SAMD5: variants seen among roughly 807,000 people sequenced by gnomAD.
SAMD5 encodes the protein sterile alpha motif domain containing 5, also known as sterile alpha motif domain-containing protein 5.
Under a neutral mutation model 11.3 loss-of-function variants are expected in SAMD5, and 13 were observed. That is an observed-to-expected ratio of 1.15 (90% CI 0.75 to 1.83). SAMD5 has a LOEUF of 1.83. SAMD5 is among the 40% of genes most tolerant of loss of function. The pLI, the probability that SAMD5 is intolerant of heterozygous loss-of-function variation, is 0.00. For synonymous variants in SAMD5, 129 were observed against 111.3 expected (o/e 1.16, Z -1.00); for missense variants, 255 against 239.1 (o/e 1.07, Z -0.44).
intron 1 of SAMD5, among the ~76,000 whole-genome samples, chr6:147,514,358 A>G (rs531285173): frequency 6.6e-6 from 1 of 151,890 alleles, no homozygotes; most frequent in African/African-American, 2.4e-5. Flanking sequence ...AGATGGAAGG[A>G]TTAGAGGTTT....
At chr6:147,708,650 G>A (rs905702578) in intron 1 of SAMD5, among the ~76,000 whole-genome samples, 1 of 152,182 alleles carries the variant, frequency 6.6e-6, no homozygotes, top group African/African-American at 2.4e-5. Flanking sequence ...GTTAGGTTTG[G>A]AAGGAAATTC....
At chr6:147,950,316 T>A in the SAMD5 span, among the ~76,000 whole-genome samples, 1 of 152,196 alleles carries the variant, frequency 6.6e-6, no homozygotes, top group African/African-American at 2.4e-5. Context: ...TCCTGTAGGT[T>A]CTGGCTGAAG....
At chr6:147,608,366 A>G (rs1789732618) in intron 1 of SAMD5, among the ~76,000 whole-genome samples, 1 of 152,234 alleles carries the variant, frequency 6.6e-6, no homozygotes, top group Non-Finnish European at 1.5e-5. Flanking sequence ...ACTTTTTACA[A>G]CAGCTAAGAC....
intron 1 of SAMD5, among the ~76,000 whole-genome samples, chr6:147,545,616 T>C (rs1788673063): frequency 6.6e-6 from 1 of 152,186 alleles, no homozygotes; most frequent in South Asian, 2.1e-4. Context: ...GACTTTAATT[T>C]GGCATTGCAG....
the SAMD5 span, among the ~76,000 whole-genome samples, chr6:147,857,313 A>G: frequency 9.3e-5 from 14 of 150,600 alleles, no homozygotes; most frequent in Admixed American, 4.0e-4. Flanking sequence ...GACCAGCCTG[A>G]GCAACAAAGT....
chr6:147,522,565 C>T (rs1455361402), intron 1 of SAMD5, among the ~76,000 whole-genome samples: 1 of 152,086 alleles, frequency 6.6e-6, no homozygotes, highest in African/African-American at 2.4e-5. Context: ...AAAAATGAAA[C>T]TATAGCTTTT....
chr6:147,523,922 A>C (rs937715481), intron 1 of SAMD5, among the ~76,000 whole-genome samples: 1 of 152,174 alleles, frequency 6.6e-6, no homozygotes, highest in Non-Finnish European at 1.5e-5. Context: ...TAGGAAAACA[A>C]AATCAGGATA....
chr6:147,563,885 A>C (rs552543254), intron 1 of SAMD5, among the ~76,000 whole-genome samples: 1 of 152,350 alleles, frequency 6.6e-6, no homozygotes, highest in East Asian at 1.9e-4. Context: ...TAATGATTAA[A>C]TATGACTGTG....
At chr6:147,725,062 A>T (rs1433529934) in intron 1 of SAMD5, among the ~76,000 whole-genome samples, 1 of 152,154 alleles carries the variant, frequency 6.6e-6, no homozygotes, top group Non-Finnish European at 1.5e-5. Flanking sequence ...CCGAGGTTTT[A>T]TTCTTCTTTG....
chr6:147,645,347 T>C (rs187641507), intron 1 of SAMD5, among the ~76,000 whole-genome samples: 219 of 152,288 alleles, frequency 1.4e-3, no homozygotes, highest in Middle Eastern at 6.8e-3. Context: ...GGAAGCTGAT[T>C]TGGAAATCAT....
At chr6:147,931,331 A>G in the SAMD5 span, among the ~76,000 whole-genome samples, 9 of 152,218 alleles carry the variant, frequency 5.9e-5, no homozygotes, top group Non-Finnish European at 1.0e-4. Context: ...AAATAAAATA[A>G]TATCCCATCC....
the SAMD5 span, among the ~76,000 whole-genome samples, chr6:147,896,983 A>G: frequency 1.3e-5 from 2 of 152,198 alleles, no homozygotes; most frequent in Admixed American, 6.5e-5. Flanking sequence ...TGTAGAGGCA[A>G]AAAGTACATC....
downstream of SAMD5, among the ~76,000 whole-genome samples, chr6:147,570,434 A>G (rs1174350455): frequency 2.0e-5 from 3 of 152,158 alleles, no homozygotes; most frequent in Non-Finnish European, 4.4e-5. Context: ...TTGTGATTCA[A>G]CTACAGATAA....
At chr6:147,622,905 T>G (rs544764641) in intron 1 of SAMD5, among the ~76,000 whole-genome samples, 3 of 152,096 alleles carry the variant, frequency 2.0e-5, no homozygotes, top group South Asian at 2.1e-4. Context: ...GAGAATGAGA[T>G]CTAAGCAAAA....
In SAMD5 at chr6:147,617,504, G is replaced by A. The variant is rs140920911; in HGVS notation, c.162+108117G>A. Among the ~76,000 whole-genome samples, 177 of 152,314 alleles carry A rather than the reference G, an allele frequency of 1.2e-3. 2 individuals carry two copies. The highest frequency in any genetic ancestry group is 6.8e-3 in the Middle Eastern group (2 of 294). On this transcript the variant is annotated intron_variant, in intron 1 of 1. Coordinates refer to the SAMD5 transcript ENST00000566741. ...TGTGGCATACTCTTGAATCTAAGCT[G>A]CAGGGATAGCTTTATGAAATGGAAT... is the stretch of plus-strand genomic sequence containing the variant.
At position 147,668,226 on chromosome 6, in the gene SAMD5, G is replaced by A. The variant is rs532076976; in HGVS notation, c.163-69091G>A. Among the ~76,000 whole-genome samples, 248 of 151,992 alleles carry A rather than the reference G, an allele frequency of 1.6e-3. 1 individual carries two copies. The highest frequency in any genetic ancestry group is 5.7e-3 in the African/African-American group (238 of 41,458). On this transcript the variant is annotated intron_variant, in intron 1 of 1. Transcript: ENST00000566741. ...TTCTCCTGTGCATCTATATACATAC[G>A]CACATACGTATGTAGATCAGAAATA...
chr6:147,575,556 C>T (rs187690763), intron 1 of SAMD5, among the ~76,000 whole-genome samples: 6 of 152,326 alleles, frequency 3.9e-5, no homozygotes, highest in Admixed American at 2.6e-4. Flanking sequence ...TGGTTTCATA[C>T]GTGTTAAATT....
At chr6:147,800,070 G>A in the SAMD5 span, among the ~76,000 whole-genome samples, 4 of 152,182 alleles carry the variant, frequency 2.6e-5, no homozygotes, top group Non-Finnish European at 4.4e-5. Flanking sequence ...CTCTCAGCTC[G>A]TCAAAGTCAT....
the SAMD5 span, among the ~76,000 whole-genome samples, chr6:147,954,107 T>C: frequency 6.6e-6 from 1 of 152,230 alleles, no homozygotes; most frequent in Admixed American, 6.5e-5. Flanking sequence ...ACACTGTGAT[T>C]TAAAAGTGTG....
Sources: allele counts gnomAD v4.1 joint callset (sites outside exome capture counted in the v4.1 genomes callset), GRCh38; gene constraint gnomAD v4.1.1; transcripts MANE v1.5; gene names NCBI Gene and HGNC (gene_info 2026-07-23, HGNC 2026-07-21).